CRB1: variants seen among roughly 807,000 people sequenced by gnomAD.
The protein encoded by CRB1 is protein crumbs homolog 1.
Under a neutral mutation model 120.0 loss-of-function variants are expected in CRB1, and 83 were observed. The ratio of observed to expected loss-of-function variants is 0.69; its 90% CI spans 0.58 to 0.83. CRB1 has a LOEUF of 0.83. Ranked by LOEUF, CRB1 falls within the 40% of genes least tolerant of loss-of-function variation. The probability of loss-of-function intolerance (pLI) is 0.00; values close to 1 mark genes in which losing one functional copy is unlikely to be tolerated. For missense variants in CRB1, 1,699 were observed against 1,687.6 expected (o/e 1.01, Z -0.12); for synonymous variants, 625 against 612.5 (o/e 1.02, Z -0.30).
At chr1:197,463,409 G>T (rs1308353477) in intron 11 of CRB1, among the ~76,000 whole-genome samples, 1 of 152,136 alleles carries the variant, frequency 6.6e-6, no homozygotes, top group African/African-American at 2.4e-5. Flanking sequence ...AATCAGAGAA[G>T]CATGATTGGT....
the CRB1 span, among the ~76,000 whole-genome samples, chr1:197,221,076 G>A: frequency 6.6e-6 from 1 of 152,158 alleles, no homozygotes; most frequent in East Asian, 1.9e-4. Context: ...CACAGACTAC[G>A]ATACTTGTGT....
chr1:197,283,464 C>T lies in CRB1; in HGVS notation c.70+14982C>T, dbSNP rs577490339. ...ATGCCTTTGCGTCCTCATAGCTTAG[C>T]TCCCACTTATGAGTGAGAACATATG... On this transcript the variant is annotated intron_variant, in intron 1 of 11. Coordinates refer to ENST00000367400, the MANE Select transcript of CRB1 (RefSeq NM_201253.3). Among the ~76,000 whole-genome samples, 2 of 151,938 alleles carry T rather than the reference C, an allele frequency of 1.3e-5. 1 individual carries two copies. The highest frequency in any genetic ancestry group is 4.1e-4 in the South Asian group (2 of 4,830).
intron 5 of CRB1, among the ~76,000 whole-genome samples, chr1:197,381,499 G>T (rs779871811): frequency 6.6e-6 from 1 of 152,074 alleles, no homozygotes; most frequent in Non-Finnish European, 1.5e-5. Context: ...GATTTCCTCC[G>T]TGAAGCATTC....
intron 5 of CRB1, among the ~76,000 whole-genome samples, chr1:197,406,510 T>C (rs1390676119): frequency 6.6e-6 from 1 of 151,964 alleles, no homozygotes; most frequent in Non-Finnish European, 1.5e-5. Flanking sequence ...TGACCTTCCC[T>C]CCACTATTGT....
the CRB1 span, among the ~76,000 whole-genome samples, chr1:197,221,372 A>C: frequency 1.3e-5 from 2 of 152,182 alleles, no homozygotes; most frequent in African/African-American, 4.8e-5. Context: ...TTGTAGGATG[A>C]GTTCAGTTTT....
intron 1 of CRB1, among the ~76,000 whole-genome samples, chr1:197,300,292 T>C (rs1003892631): frequency 3.9e-5 from 6 of 151,962 alleles, no homozygotes; most frequent in Admixed American, 3.9e-4. Flanking sequence ...CTAATCCTGT[T>C]GTGCCAAACA....
chr1:197,319,983 T>G (rs1286843453), intron 1 of CRB1, among the ~76,000 whole-genome samples: 1 of 152,216 alleles, frequency 6.6e-6, no homozygotes, highest in African/African-American at 2.4e-5. Flanking sequence ...GTTGGCTTAT[T>G]TGATGAAACG....
At chr1:197,299,881 T>C (rs1487790844) in intron 1 of CRB1, among the ~76,000 whole-genome samples, 1 of 151,804 alleles carries the variant, frequency 6.6e-6, no homozygotes, top group Non-Finnish European at 1.5e-5. Context: ...AGCAATAGCA[T>C]GTGCTCAGTT....
At chr1:197,346,194 A>G (rs1216929036) in intron 3 of CRB1, among the ~76,000 whole-genome samples, 4 of 152,120 alleles carry the variant, frequency 2.6e-5, no homozygotes, top group Admixed American at 6.5e-5. Flanking sequence ...CTAAATGTTG[A>G]GATGATAGTC....
intron 9 of CRB1, among the ~76,000 whole-genome samples, chr1:197,436,057 C>A (rs1354498083): frequency 6.6e-6 from 1 of 152,106 alleles, no homozygotes; most frequent in Non-Finnish European, 1.5e-5. Context: ...AAGTATACAG[C>A]TGACTCTTGA....
chr1:197,263,725 G>A (rs6660018), upstream of CRB1, among the ~76,000 whole-genome samples: 24,587 of 151,362 alleles, frequency 0.16, 2,248 homozygotes, highest in Middle Eastern at 0.24. Flanking sequence ...TCTATTTTCC[G>A]TGTCTCTTTA....
At chr1:197,456,095 GATAATCCT>G (rs1214387444) in intron 11 of CRB1, among the ~76,000 whole-genome samples, 2 of 151,962 alleles carry the variant, frequency 1.3e-5, no homozygotes, top group Non-Finnish European at 2.9e-5. Flanking sequence ...ACATTTCTTT[GATAATCCT>G]ATGCTGATAA....
chr1:197,336,997 C>T (rs1165451998), intron 2 of CRB1, among the ~76,000 whole-genome samples: 1 of 152,102 alleles, frequency 6.6e-6, no homozygotes, highest in Non-Finnish European at 1.5e-5. Flanking sequence ...AGAAGGACTG[C>T]AGAGATATTT....
At chr1:197,305,717 A>G (rs1657128665) in intron 1 of CRB1, among the ~76,000 whole-genome samples, 2 of 151,960 alleles carry the variant, frequency 1.3e-5, no homozygotes, top group Admixed American at 1.3e-4. Context: ...CTGCACATGA[A>G]CACTTTACAT....
intron 2 of CRB1, among the ~76,000 whole-genome samples, chr1:197,339,672 G>C (rs1659346326): frequency 6.6e-6 from 1 of 152,180 alleles, no homozygotes; most frequent in African/African-American, 2.4e-5. Context: ...GTCAAGACCT[G>C]TTCCATCCTG....
chr1:197,353,278 G>C (rs943384141), intron 4 of CRB1, among the ~76,000 whole-genome samples: 2 of 152,180 alleles, frequency 1.3e-5, no homozygotes, highest in Admixed American at 1.3e-4. Context: ...TTCTAGAAGA[G>C]AGAAAAACAT....
intron 9 of CRB1, among the ~76,000 whole-genome samples, chr1:197,436,445 CAT>C (rs1229182998): frequency 2.0e-5 from 3 of 151,790 alleles, no homozygotes; most frequent in Admixed American, 6.6e-5. Context: ...ACCATTCAAA[CAT>C]GTGTTGTTCA....
rs10436894 is a variant in CRB1, at chr1:197,282,552, G to A, written c.70+14070G>A. On this transcript the variant is annotated intron_variant, in intron 1 of 11. Transcript: ENST00000367400. ...ATTTGCACGTTTATACTAATAAAAT[G>A]TTTGAAACATAAATTGTGTTGCTTT... Among the ~76,000 whole-genome samples the A allele has an allele frequency of 9.2e-3, 1,401 of 151,958 alleles. 24 individuals are homozygous for A. Among genetic ancestry groups the A allele is most frequent in the African/African-American group, 0.032 (1,342 of 41,502 alleles).
intron 1 of CRB1, among the ~76,000 whole-genome samples, chr1:197,284,628 C>T (rs893064541): frequency 4.0e-5 from 6 of 151,868 alleles, no homozygotes; most frequent in Admixed American, 2.6e-4. Context: ...TGCTGCAAAT[C>T]AGAGGTCTAG....
Sources: gnomAD v4.1 joint callset for allele counts (sites outside exome capture counted in the v4.1 genomes callset) on GRCh38, gnomAD v4.1.1 for gene constraint, MANE v1.5 for transcripts, NCBI Gene and HGNC (gene_info 2026-07-23, HGNC 2026-07-21) for gene names.